CEP164: variants seen among roughly 807,000 people sequenced by gnomAD.
The protein encoded by CEP164 is centrosomal protein 164, also known as centrosomal protein of 164 kDa.
CEP164 carries 162 observed loss-of-function variants against 182.7 expected under a neutral mutation model. The ratio of observed to expected loss-of-function variants is 0.89; its 90% CI spans 0.78 to 1.01. The LOEUF (loss-of-function observed/expected upper bound fraction) is 1.01, where lower values mean the gene tolerates loss of function less well. CEP164 is among the 50% of genes least tolerant of loss of function. CEP164 has a pLI of 0.00. For synonymous variants in CEP164, 661 were observed against 690.0 expected, an observed-to-expected ratio of 0.96 and a Z score of 0.66; for missense variants, 1,735 against 1,790.4, an observed-to-expected ratio of 0.97 and a Z score of 0.56.
Position 117,396,622 on chromosome 11 carries a change from A to AT in CEP164, c.3278+12dup. The AT allele has an allele frequency of 6.2e-7, 1 of 1,604,356 alleles. No individual in the cohort carries two copies. On this transcript the variant is annotated intron_variant, in intron 26 of 32. Transcript: ENST00000278935. ...CTTATACTTGGACAGGTGAGTTCCC[A>AT]TAGCCTGTCTTATTTGAGGTTAGGG... is the stretch of plus-strand genomic sequence containing the variant.
chr11:117,392,912 G>A (rs2044867376), intron 19 of CEP164, 92 bp from the exon 20 acceptor site: 2 of 1,570,346 alleles, frequency 1.3e-6, no homozygotes, highest in Admixed American at 1.7e-5. Context: ...GGGGAGATTG[G>A]GGAAATGTGT....
intron 30 of CEP164, 24 bp from the exon 31 acceptor site, chr11:117,410,804 A>T: frequency 6.2e-7 from 1 of 1,602,722 alleles, no homozygotes; most frequent in Non-Finnish European, 8.5e-7. Context: ...CCCATTTCTG[A>T]GTCCTGTCCC....
chr11:117,337,343 C>T (rs2037324718), intron 2 of CEP164, among the ~76,000 whole-genome samples: 1 of 152,032 alleles, frequency 6.6e-6, no homozygotes, highest in Admixed American at 6.6e-5. Context: ...GGCCATTTAA[C>T]CTTAATGACC....
rs923788343 is a variant in CEP164 at position 117,381,851 on chromosome 11, G to T, written c.1560G>T (p.Leu520=). 6.6e-7 allele frequency: 1 copy of T among 1,517,010 alleles called. No homozygotes were observed. The highest frequency in any genetic ancestry group is 8.8e-7 in the Non-Finnish European group (1 of 1,131,624). The allele number at this position is 1,517,010 out of a possible 1,614,324, so 94.0% of individuals were successfully genotyped here. A position where few individuals can be genotyped will look rare whatever the true frequency, so the allele number is the denominator to read the frequency against. Reference sequence around the variant, plus strand: ...AGGACTCTGCAGCCAGCCTCAGCCTGCAGCTGTCCCTCCAGAGGTAAGGAT... The same window carrying T: ...AGGACTCTGCAGCCAGCCTCAGCCTTCAGCTGTCCCTCCAGAGGTAAGGAT... ...LGEDSAASLS[L]QLSLQREQAP... is the part of the protein sequence containing the mutation. The change falls in exon 13 of 33, where the codon CTG becomes CTT. Residue 520 remains leucine (L), a synonymous_variant. Coordinates refer to ENST00000278935, the MANE Select transcript of CEP164 (RefSeq NM_014956.5).
chr11:117,348,303 TA>T (rs111983606), intron 4 of CEP164, among the ~76,000 whole-genome samples: 109 of 152,120 alleles, frequency 7.2e-4, no homozygotes, highest in African/African-American at 2.3e-3. Flanking sequence ...AATTGTCAAT[TA>T]AAAAAAATCG....
chr11:117,345,807 C>T (rs2038807367), intron 4 of CEP164, among the ~76,000 whole-genome samples: 1 of 152,104 alleles, frequency 6.6e-6, no homozygotes, highest in African/African-American at 2.4e-5. Context: ...CCTGCCTCAG[C>T]CTCCCAAGTA....
At position 117,411,793 on chromosome 11, in the gene CEP164, A is replaced by G. The variant is rs1217464543; in HGVS notation, c.4164-2A>G. 6.2e-7 allele frequency: 1 copy of G among 1,613,982 alleles called. No individual in the cohort carries two copies. The highest frequency in any genetic ancestry group is 1.1e-5 in the South Asian group (1 of 91,058). Reference sequence around the variant, plus strand: ...TCGCCATGCTCTCCTCTTCCTTCCCAGTGAGCAGCTCCGGCTCCTACAGCA... The same window carrying G: ...TCGCCATGCTCTCCTCTTCCTTCCCGGTGAGCAGCTCCGGCTCCTACAGCA... On this transcript the variant is annotated splice_acceptor_variant, in intron 31 of 32. Coordinates refer to ENST00000278935, the MANE Select transcript of CEP164 (RefSeq NM_014956.5). LOFTEE classifies it high-confidence loss of function. The surrounding 1 kb of genome is among the most constrained non-coding windows in gnomAD (Gnocchi z 4.4).
rs2042151034 is a variant in CEP164 at position 117,371,032 on chromosome 11, T to TG, written c.766-47dup. On this transcript the variant is annotated intron_variant, in intron 8 of 32. Coordinates refer to ENST00000278935, the MANE Select transcript of CEP164 (RefSeq NM_014956.5). ...TCTTGTAGCATGTCTCAACTCCTTTTGCACATTCCTTTTGTCTTCCTTTCT... is the reference window on the plus strand; with the variant it reads ...TCTTGTAGCATGTCTCAACTCCTTTTGGCACATTCCTTTTGTCTTCCTTTCT... 2.0e-6 allele frequency: 3 copies of TG among 1,518,610 alleles called. No individual in the cohort carries two copies. In the South Asian group the frequency reaches 4.0e-5, roughly 20 times the overall value. The allele number at this position is 1,518,610 out of a possible 1,614,324, so 94.1% of individuals were successfully genotyped here.
At chr11:117,338,445 C>A in intron 2 of CEP164, 121 bp from the exon 3 acceptor site, 1 of 705,212 alleles carries the variant, frequency 1.4e-6, no homozygotes, top group Non-Finnish European at 2.5e-6. Flanking sequence ...TGGGAAGGCC[C>A]TGGCCAAATT....
Position 117,397,149 on chromosome 11 carries a change from G to A in CEP164, c.3337G>A (p.Ala1113Thr), listed in dbSNP as rs1323295729. Residue 1113 changes from alanine (A) to threonine (T), a missense_variant, in exon 27 of 33, where the codon GCC becomes ACC. Ala to Thr is a moderately conservative substitution (Grantham distance 58, BLOSUM62 0). Coordinates refer to ENST00000278935, the MANE Select transcript of CEP164 (RefSeq NM_014956.5). Reference sequence around the variant, plus strand: ...TGCTGAGGGGGTAGCCCTCCGTAGTGCCAAGGAGTTCCTTGTGCAGCAGAC... The same window carrying A: ...TGCTGAGGGGGTAGCCCTCCGTAGTACCAAGGAGTTCCTTGTGCAGCAGAC... ...LSAEGVALRS[A>T]KEFLVQQTRS... 3 of 1,614,102 alleles carry A rather than the reference G, an allele frequency of 1.9e-6. No individual in the cohort carries two copies.
chr11:117,365,376 C>T (rs1008522360), intron 8 of CEP164, among the ~76,000 whole-genome samples: 2 of 152,154 alleles, frequency 1.3e-5, no homozygotes, highest in African/African-American at 4.8e-5. Context: ...CAGGTTGTGT[C>T]ATATTTTTTT....
rs2041115141 is a variant in CEP164 at position 117,362,544 on chromosome 11, G to A, written c.687+6G>A. The A allele has an allele frequency of 6.2e-7, 1 of 1,612,324 alleles. No individual in the cohort carries two copies. Among genetic ancestry groups the A allele is most frequent in the Non-Finnish European group, 8.5e-7 (1 of 1,179,422 alleles). ...AGGAGGAAAGTGACAACCAGGTAAT[G>A]ATGAAGTCCTCTCCCTGGCCTGGAA... is the stretch of plus-strand genomic sequence containing the variant. On this transcript the variant is annotated splice_donor_region_variant and intron_variant, in intron 7 of 32. Coordinates refer to ENST00000278935, the MANE Select transcript of CEP164 (RefSeq NM_014956.5).
intron 9 of CEP164, 86 bp from the exon 10 acceptor site, chr11:117,373,665 C>G (rs1475534553): frequency 1.7e-6 from 2 of 1,190,166 alleles, no homozygotes; most frequent in African/African-American, 3.0e-5. Context: ...ATATTGGCCC[C>G]ATGGCCTGAA....
chr11:117,355,169 C>G (rs1401636051), intron 5 of CEP164: 2 of 1,289,716 alleles, frequency 1.6e-6, no homozygotes, highest in African/African-American at 3.0e-5. Flanking sequence ...CCAAATCCAC[C>G]AGGTCTTTGC....
chr11:117,321,946 C>T (rs764242808), intron 1 of CEP164, among the ~76,000 whole-genome samples: 1 of 152,072 alleles, frequency 6.6e-6, no homozygotes, highest in Non-Finnish European at 1.5e-5. Flanking sequence ...GATCTTCCTG[C>T]CCCGGCCTCT....
In CEP164 at chr11:117,409,240, G is replaced by A. The variant is rs776999479; in HGVS notation, c.3748+212G>A. On this transcript the variant is annotated intron_variant, in intron 29 of 32. Transcript: ENST00000278935. The surrounding 1 kb of genome is among the most constrained non-coding windows in gnomAD (Gnocchi z 4.4). ...GAAAGGTCAGGGAAGCCCTCTGAAT[G>A]CTGCAGAGCACTCTACGGTGTGACC... 1 of 648,080 alleles carries A rather than the reference G, an allele frequency of 1.5e-6. No individual in the cohort carries two copies. The highest frequency in any genetic ancestry group is 1.9e-5 in the South Asian group (1 of 51,822). 40.1% of individuals were successfully genotyped at this position (648,080 alleles called of 1,614,324 possible). A position where few individuals can be genotyped will look rare whatever the true frequency, so the allele number is the denominator to read the frequency against.
At chr11:117,330,331 C>G (rs922218695) in intron 1 of CEP164, among the ~76,000 whole-genome samples, 1 of 152,138 alleles carries the variant, frequency 6.6e-6, no homozygotes, top group Non-Finnish European at 1.5e-5. Flanking sequence ...CCTAACACGT[C>G]GCACAATGTC....
chr11:117,331,480 T>C (rs1468008780), intron 1 of CEP164, among the ~76,000 whole-genome samples: 2 of 152,240 alleles, frequency 1.3e-5, no homozygotes, highest in Non-Finnish European at 2.9e-5. Flanking sequence ...GTTGTTTCAT[T>C]TTACTTTCAG....
chr11:117,388,511 C>T (rs908876786), intron 15 of CEP164, among the ~76,000 whole-genome samples: 7 of 152,336 alleles, frequency 4.6e-5, no homozygotes, highest in South Asian at 4.1e-4. Flanking sequence ...GCTCTCCTTC[C>T]GTCTGCTGGG....
Sources: gnomAD v4.1 joint callset for allele counts (sites outside exome capture counted in the v4.1 genomes callset) on GRCh38, gnomAD v4.1.1 for gene constraint, Gnocchi (gnomAD v3.1) non-coding constraint, MANE v1.5 for transcripts, NCBI Gene and HGNC (gene_info 2026-07-23, HGNC 2026-07-21) for gene names.